Variants in MAN1A2 observed in about 807,000 individuals in gnomAD.
The protein encoded by MAN1A2 is mannosidase alpha class 1A member 2.
In MAN1A2, 26 loss-of-function variants were observed where a neutral mutation model predicts 75.7. The ratio of observed to expected loss-of-function variants is 0.34; its 90% confidence interval spans 0.25 to 0.48. The LOEUF (loss-of-function observed/expected upper bound fraction) is 0.48. MAN1A2 is among the 20% of genes least tolerant of loss of function. The pLI is 0.99. For synonymous variants in MAN1A2, 247 were observed against 264.6 expected (o/e 0.93, Z 0.65); for missense variants, 562 against 775.5 (o/e 0.72, Z 3.27).
At chr1:117,384,760 TA>T (rs1416060277) in intron 1 of MAN1A2, among the ~76,000 whole-genome samples, 4 of 152,190 alleles carry the variant, frequency 2.6e-5, no homozygotes, top group Admixed American at 2.6e-4. Flanking sequence ...GTTTAATGTA[TA>T]TATTTATAGT....
chr1:117,394,438 C>T (rs554463507), intron 1 of MAN1A2, among the ~76,000 whole-genome samples: 2 of 152,218 alleles, frequency 1.3e-5, no homozygotes, highest in South Asian at 2.1e-4. Context: ...AAATTGAAGC[C>T]GTGATAGTGA....
At position 117,496,898 on chromosome 1, in the gene MAN1A2, G is replaced by C; in HGVS notation, c.1420G>C (p.Gly474Arg). 1 of 1,612,718 alleles carries C rather than the reference G, an allele frequency of 6.2e-7. No individual in the cohort carries two copies. Among genetic ancestry groups the C allele is most frequent in the African/African-American group, 1.3e-5 (1 of 74,916 alleles). ...GGGAATGTTTGCACTAGGAGCAGAT[G>C]GTTCCAGAGCAGATAAAGCTGGTCA... is the stretch of plus-strand genomic sequence containing the variant. ...AGGMFALGAD[G>R]SRADKAGHYL... Residue 474 changes from glycine (G) to arginine (R), a missense_variant, in exon 10 of 13, where the codon GGT (glycine) becomes CGT (arginine). Gly to Arg is a moderately radical substitution (Grantham distance 125). This residue lies in a region of MAN1A2 where 434 missense variants were observed against 645.7 expected (regional missense o/e 0.67). Transcript: ENST00000356554.
At chr1:117,429,757 G>GT (rs1327281624) in intron 5 of MAN1A2, among the ~76,000 whole-genome samples, 2 of 112,914 alleles carry the variant, frequency 1.8e-5, no homozygotes, top group African/African-American at 3.5e-5. Flanking sequence ...CCGGGCGGGG[G>GT]GCTGACCCCC....
At chr1:117,455,790 CT>C (rs1331125541) in intron 6 of MAN1A2, among the ~76,000 whole-genome samples, 270 of 143,960 alleles carry the variant, frequency 1.9e-3, no homozygotes, top group Admixed American at 2.4e-3. Flanking sequence ...TAGAGAGATA[CT>C]TTTTTTTTTT....
intron 1 of MAN1A2, among the ~76,000 whole-genome samples, chr1:117,393,044 A>G (rs149229674): frequency 1.3e-5 from 2 of 152,340 alleles, no homozygotes; most frequent in East Asian, 1.9e-4. Context: ...GTGATCCCAA[A>G]TGTGATACAA....
intron 7 of MAN1A2, among the ~76,000 whole-genome samples, chr1:117,462,748 G>A (rs1649860074): frequency 6.6e-6 from 1 of 152,118 alleles, no homozygotes; most frequent in Non-Finnish European, 1.5e-5. Context: ...GGTGTTATGT[G>A]CCGCAGGTGA....
At chr1:117,489,593 T>C (rs1021079166) in intron 8 of MAN1A2, among the ~76,000 whole-genome samples, 2 of 152,068 alleles carry the variant, frequency 1.3e-5, no homozygotes, top group African/African-American at 4.8e-5. Context: ...CTCCAATTTC[T>C]AGTCTTTTAG....
At chr1:117,371,580 G>A (rs1456639958) in intron 1 of MAN1A2, among the ~76,000 whole-genome samples, 2 of 151,692 alleles carry the variant, frequency 1.3e-5, no homozygotes, top group African/African-American at 2.4e-5. Context: ...GAGGTTGAGG[G>A]TCAAAGCAGA....
chr1:117,522,235 G>T (rs898829455), intron 12 of MAN1A2, among the ~76,000 whole-genome samples: 1 of 151,770 alleles, frequency 6.6e-6, no homozygotes, highest in Non-Finnish European at 1.5e-5. Flanking sequence ...CCTGAACATA[G>T]ATAGAACTAA....
intron 11 of MAN1A2, among the ~76,000 whole-genome samples, chr1:117,501,816 T>A (rs1250005460): frequency 6.6e-6 from 1 of 151,688 alleles, no homozygotes; most frequent in South Asian, 2.1e-4. Flanking sequence ...GTAGCAAGAC[T>A]AGGAACAACA....
At chr1:117,459,858 C>T (rs1023431104) in intron 6 of MAN1A2, among the ~76,000 whole-genome samples, 4 of 152,194 alleles carry the variant, frequency 2.6e-5, no homozygotes, top group South Asian at 2.1e-4. Flanking sequence ...GCACTATCAT[C>T]GTTTGGTGCA....
chr1:117,422,591 T>C (rs1207611924), intron 5 of MAN1A2, among the ~76,000 whole-genome samples: 1 of 152,040 alleles, frequency 6.6e-6, no homozygotes, highest in Non-Finnish European at 1.5e-5. Flanking sequence ...GTATTGTGAG[T>C]CTCTTTATTA....
intron 6 of MAN1A2, 48 bp from the exon 7 acceptor site, chr1:117,460,441 G>C (rs1649781009): frequency 1.5e-6 from 2 of 1,364,174 alleles, no homozygotes; most frequent in Non-Finnish European, 2.0e-6. Context: ...CGAATGTTTT[G>C]GTCTTTTCCC....
In MAN1A2 at chr1:117,460,560, T is replaced by G; in HGVS notation, c.1022T>G (p.Met341Arg). Residue 341 changes from methionine (M) to arginine (R), a missense_variant, in exon 7 of 13, where the codon ATG becomes AGG. Met to Arg is a moderately conservative substitution (Grantham distance 91). Around this residue, in one of 2 missense-constraint regions of MAN1A2, gnomAD observed 434 missense variants for 645.7 expected, o/e 0.67. Transcript: ENST00000356554. ...SILAEFGTLH[M>R]EFIHLSYLTG... ...CTGGCTGAATTTGGTACACTACATA[T>G]GGAGTTCATCCACCTCAGCTACTTG... 1 of 1,611,656 alleles carries G rather than the reference T, an allele frequency of 6.2e-7. No individual in the cohort carries two copies.
At chr1:117,425,829 CTTAGGTGATCA>C in intron 5 of MAN1A2, among the ~76,000 whole-genome samples, 1 of 152,170 alleles carries the variant, frequency 6.6e-6, no homozygotes, top group East Asian at 1.9e-4. Context: ...CCACTTTTAC[CTTAGGTGATCA>C]GTTATCGTTT....
intron 9 of MAN1A2, among the ~76,000 whole-genome samples, chr1:117,495,675 A>G (rs2101875861): frequency 6.6e-6 from 1 of 151,980 alleles, no homozygotes; most frequent in African/African-American, 2.4e-5. Context: ...GTTACAATGA[A>G]CAGAAATGAC....
rs10923273 is a variant in MAN1A2, at chr1:117,367,822, C to T, written c.-362C>T. Reference sequence around the variant, plus strand: ...GTCTCCCTTTCGGGGCGGAAGACTACGTTTGAGCATCTCACTGAGGTGCAG... The same window carrying T: ...GTCTCCCTTTCGGGGCGGAAGACTATGTTTGAGCATCTCACTGAGGTGCAG... On this transcript the variant is annotated 5_prime_UTR_variant, in exon 1 of 13. It adds an upstream start codon to the 5' untranslated region. Coordinates refer to ENST00000356554, the MANE Select transcript of MAN1A2 (RefSeq NM_006699.5). 3.1e-3 allele frequency: 606 copies of T among 197,012 alleles called. 7 individuals carry two copies. Among genetic ancestry groups the T allele is most frequent in the African/African-American group, 0.013 (573 of 42,862 alleles). The allele number at this position is 197,012 out of a possible 1,614,324, so 12.2% of individuals were successfully genotyped here.
At chr1:117,441,727 A>G (rs374378782) in intron 5 of MAN1A2, among the ~76,000 whole-genome samples, 1 of 152,202 alleles carries the variant, frequency 6.6e-6, no homozygotes. Context: ...CTGACAAATG[A>G]AGCATTTATA....
intron 10 of MAN1A2, among the ~76,000 whole-genome samples, chr1:117,498,656 G>A (rs1651106095): frequency 6.6e-6 from 1 of 151,660 alleles, no homozygotes; most frequent in Admixed American, 6.6e-5. Flanking sequence ...CTTTGTTATG[G>A]TAAACCAAAA....
Sources: gnomAD v4.1 joint callset for allele counts (sites outside exome capture counted in the v4.1 genomes callset) on GRCh38, gnomAD v4.1.1 for gene constraint, gnomAD v4.1.1 regional missense constraint, MANE v1.5 for transcripts, NCBI Gene and HGNC (gene_info 2026-07-23, HGNC 2026-07-21) for gene names.